HEXIM2: variants seen among roughly 807,000 people sequenced by gnomAD.
HEXIM2 encodes protein HEXIM2.
For synonymous variants in HEXIM2, 159 were observed against 162.7 expected (o/e 0.98, Z 0.17); for missense variants, 413 against 390.8 (o/e 1.06, Z -0.48).
chr17:45,168,554 C>A lies in HEXIM2; in HGVS notation c.67-461C>A, dbSNP rs76672411. Among the ~76,000 whole-genome samples, 335 of 150,912 alleles carry A rather than the reference C, an allele frequency of 2.2e-3. 10 individuals carry two copies. The East Asian group carries it at 0.057, about 26-fold the overall frequency. The stretch of plus-strand genomic sequence containing the variant: ...GGACAGCATGAAGCCAGGTGTGGGG[C>A]CTCTGTGGGACTTCACAGGTCACCT... On this transcript the variant is annotated intron_variant, in intron 3 of 3. Transcript: ENST00000589230.
At chr17:45,166,178 G>T (rs181797689) in intron 3 of HEXIM2, among the ~76,000 whole-genome samples, 3 of 152,018 alleles carry the variant, frequency 2.0e-5, no homozygotes, top group Non-Finnish European at 4.4e-5. Context: ...AGGCTGGAGC[G>T]CAGTGGCGCA....
intron 3 of HEXIM2, among the ~76,000 whole-genome samples, chr17:45,166,824 G>T (rs1323420088): frequency 6.6e-6 from 1 of 151,608 alleles, no homozygotes; most frequent in Non-Finnish European, 1.5e-5. Flanking sequence ...AGGAGTTTGA[G>T]ACCAGCCTGG....
In HEXIM2 at chr17:45,162,877, T is replaced by A; in HGVS notation, c.66+18T>A. 6.5e-7 allele frequency: 1 copy of A among 1,542,098 alleles called. No homozygotes were observed. The highest frequency in any genetic ancestry group is 9.0e-7 in the Non-Finnish European group (1 of 1,115,756). ...AGGCCAAGGTAAGTCCCTGCCCTCC[T>A]GCCCACCCAAGCACCACGAGCACGG... On this transcript the variant is annotated intron_variant, in intron 3 of 3. Transcript: ENST00000589230.
intron 3 of HEXIM2, among the ~76,000 whole-genome samples, chr17:45,168,307 C>A (rs1050234133): frequency 6.6e-6 from 1 of 150,788 alleles, no homozygotes; most frequent in African/African-American, 2.4e-5. Flanking sequence ...CATGGTGAAA[C>A]CCTGTCTCTA....
Position 45,169,570 on chromosome 17 carries a change from C to T in HEXIM2, c.622C>T (p.Arg208Cys), listed in dbSNP as rs377071715. Residue 208 changes from arginine to cysteine, a missense_variant, in exon 4 of 4, where the codon CGC becomes TGC. Transcript: ENST00000589230. ...ERFHTESLQG[R>C]SKQELVRDYL... ...CTTCCACACCGAGAGCCTGCAGGGC[C>T]GCAGCAAGCAGGAGCTGGTGCGAGA... 9 of 1,553,028 alleles carry T rather than the reference C, an allele frequency of 5.8e-6. No homozygotes were observed. The highest frequency in any genetic ancestry group is 7.8e-6 in the Non-Finnish European group (9 of 1,149,124).
upstream of HEXIM2, chr17:45,161,793 T>G: frequency 1.0e-6 from 1 of 981,782 alleles, no homozygotes; most frequent in Non-Finnish European, 1.2e-6. Context: ...GTCTCGGGTG[T>G]GGCTGTTGAC....
chr17:45,162,579 G>A lies in HEXIM2; in HGVS notation c.-101G>A. 7.1e-7 allele frequency: 1 copy of A among 1,404,024 alleles called. No individual in the cohort carries two copies. The highest frequency in any genetic ancestry group is 9.3e-7 in the Non-Finnish European group (1 of 1,079,922). 87.0% of individuals were successfully genotyped at this position (1,404,024 alleles called of 1,614,324 possible). ...AATCCCATTTGGCCCCTTGCTGGCTGGAGGTGTGAAAACCAGCGGTGGAGG... is the reference window on the plus strand; with the variant it reads ...AATCCCATTTGGCCCCTTGCTGGCTAGAGGTGTGAAAACCAGCGGTGGAGG... On this transcript the variant is annotated 5_prime_UTR_variant, in exon 2 of 4. Coordinates refer to ENST00000589230, the MANE Select transcript of HEXIM2 (RefSeq NM_001303441.2).
chr17:45,164,027 C>T (rs1423495065), intron 3 of HEXIM2, among the ~76,000 whole-genome samples: 4 of 150,686 alleles, frequency 2.7e-5, no homozygotes, highest in East Asian at 2.0e-4. Flanking sequence ...TAATGACAGG[C>T]GGCTGTAATC....
chr17:45,169,640 C>T lies in HEXIM2; in HGVS notation c.692C>T (p.Thr231Ile). The change falls in exon 4 of 4, where the codon ACT (threonine) becomes ATT (isoleucine). Residue 231 changes from threonine to isoleucine, a missense_variant. Coordinates refer to ENST00000589230, the MANE Select transcript of HEXIM2 (RefSeq NM_001303441.2). ...EKRLSQAEEETRRLQQLQACT... is the reference protein window; with the variant it reads ...EKRLSQAEEEIRRLQQLQACT... The stretch of plus-strand genomic sequence containing the variant: ...CGGCTGTCGCAGGCGGAGGAGGAGA[C>T]TAGGAGGCTGCAGCAGCTGCAGGCG... 1.3e-6 allele frequency: 2 copies of T among 1,533,280 alleles called. No homozygotes were observed. The highest frequency in any genetic ancestry group is 1.8e-6 in the Non-Finnish European group (2 of 1,137,802). 95.0% of individuals were successfully genotyped at this position (1,533,280 alleles called of 1,614,324 possible). A position where few individuals can be genotyped will look rare whatever the true frequency, so the allele number is the denominator to read the frequency against.
Position 45,169,594 on chromosome 17 carries a change from G to T in HEXIM2, c.646G>T (p.Asp216Tyr), listed in dbSNP as rs1380512296. 1.9e-6 allele frequency: 3 copies of T among 1,543,880 alleles called. No homozygotes were observed. In the South Asian group the frequency reaches 3.6e-5, roughly 18 times the overall value. ...CCGCAGCAAGCAGGAGCTGGTGCGAGACTACCTGGAGCTGGAGAAGCGGCT... is the reference window on the plus strand; with the variant it reads ...CCGCAGCAAGCAGGAGCTGGTGCGATACTACCTGGAGCTGGAGAAGCGGCT... ...QGRSKQELVR[D>Y]YLELEKRLSQ... The change falls in exon 4 of 4, where the codon GAC becomes TAC. Residue 216 changes from aspartate (D) to tyrosine (Y), a missense_variant. Asp to Tyr is a radical substitution (Grantham distance 160). Transcript: ENST00000589230.
chr17:45,167,423 C>A (rs2042887333), intron 3 of HEXIM2, among the ~76,000 whole-genome samples: 1 of 152,110 alleles, frequency 6.6e-6, no homozygotes, highest in South Asian at 2.1e-4. Flanking sequence ...GCACCTTATT[C>A]AAAAATTATT....
chr17:45,161,856 G>C, upstream of HEXIM2: 1 of 985,810 alleles, frequency 1.0e-6, no homozygotes, highest in Non-Finnish European at 1.2e-6. Flanking sequence ...ATCCCCAGCA[G>C]GCACCGCGCG....
intron 3 of HEXIM2, among the ~76,000 whole-genome samples, chr17:45,166,977 G>T (rs183869574): frequency 2.4e-5 from 3 of 126,196 alleles, no homozygotes; most frequent in Non-Finnish European, 4.9e-5. Context: ...GTGAGCTGAG[G>T]TCGGGCCACT....
Position 45,162,772 on chromosome 17 carries a change from G to T in HEXIM2, c.-22G>T. 6.2e-7 allele frequency: 1 copy of T among 1,613,832 alleles called. No homozygotes were observed. Among genetic ancestry groups the T allele is most frequent in the African/African-American group, 1.3e-5 (1 of 75,022 alleles). On this transcript the variant is annotated 5_prime_UTR_variant, in exon 3 of 4. Coordinates refer to ENST00000589230, the MANE Select transcript of HEXIM2 (RefSeq NM_001303441.2). Reference sequence around the variant, plus strand: ...CAGGTGTCACTAGTTCCAGGCGTCTGCTGAAAGATTTGGAACAGAAGATGA... The same window carrying T: ...CAGGTGTCACTAGTTCCAGGCGTCTTCTGAAAGATTTGGAACAGAAGATGA...
In HEXIM2 at chr17:45,169,637, A is replaced by C. The variant is rs369009904; in HGVS notation, c.689A>C (p.Glu230Ala). 7.2e-6 allele frequency: 11 copies of C among 1,531,590 alleles called. No individual in the cohort carries two copies. In the African/African-American group the frequency reaches 1.4e-4, roughly 19 times the overall value. 94.9% of individuals were successfully genotyped at this position (1,531,590 alleles called of 1,614,324 possible). A position where few individuals can be genotyped will look rare whatever the true frequency, so the allele number is the denominator to read the frequency against. ...AAGCGGCTGTCGCAGGCGGAGGAGGAGACTAGGAGGCTGCAGCAGCTGCAG... is the reference window on the plus strand; with the variant it reads ...AAGCGGCTGTCGCAGGCGGAGGAGGCGACTAGGAGGCTGCAGCAGCTGCAG... The part of the protein sequence containing the change: ...LEKRLSQAEE[E>A]TRRLQQLQAC... The change falls in exon 4 of 4, where the codon GAG (glutamate) becomes GCG (alanine). Residue 230 changes from glutamate (E) to alanine (A), a missense_variant. Coordinates refer to ENST00000589230, the MANE Select transcript of HEXIM2 (RefSeq NM_001303441.2).
At position 45,162,744 on chromosome 17, in the gene HEXIM2, A is replaced by T; in HGVS notation, c.-44-6A>T. ...GGATTTAGGTTTCTGTTGTTGTTCA[A>T]AGCAGGTGTCACTAGTTCCAGGCGT... On this transcript the variant is annotated splice_polypyrimidine_tract_variant and splice_region_variant and intron_variant, in intron 2 of 3. Transcript: ENST00000589230. 1 of 1,613,228 alleles carries T rather than the reference A, an allele frequency of 6.2e-7. No individual in the cohort carries two copies. Among genetic ancestry groups the T allele is most frequent in the South Asian group, 1.1e-5 (1 of 91,044 alleles).
chr17:45,160,919 G>C, upstream of HEXIM2: 1 of 1,289,776 alleles, frequency 7.8e-7, no homozygotes, highest in Non-Finnish European at 1.0e-6. Flanking sequence ...CCCGGGCGGC[G>C]AGATGGCGCT....
rs1300485720 is a variant in HEXIM2, at chr17:45,162,545, C to T, written c.-135C>T. 2.4e-5 allele frequency: 33 copies of T among 1,347,836 alleles called. No homozygotes were observed. The highest frequency in any genetic ancestry group is 6.2e-5 in the Admixed American group (2 of 32,292). The allele number at this position is 1,347,836 out of a possible 1,614,324, so 83.5% of individuals were successfully genotyped here. A position where few individuals can be genotyped will look rare whatever the true frequency, so the allele number is the denominator to read the frequency against. On this transcript the variant is annotated 5_prime_UTR_variant, in exon 2 of 4. The change creates a new upstream start codon in the 5' untranslated region. Coordinates refer to ENST00000589230, the MANE Select transcript of HEXIM2 (RefSeq NM_001303441.2). ...GACCCGAGGAGCAGGACAGAGAAGA[C>T]GGCCCCTGAATCCCATTTGGCCCCT...
At chr17:45,161,429 C>G (rs779022106), upstream of HEXIM2, 2 of 174,688 alleles carry the variant, frequency 1.1e-5, no homozygotes, top group Non-Finnish European at 2.5e-5. Context: ...CCTCTCCCCG[C>G]GCCCGGACCA....
Sources: allele counts gnomAD v4.1 joint callset (sites outside exome capture counted in the v4.1 genomes callset), GRCh38; gene constraint gnomAD v4.1.1; transcripts MANE v1.5; gene names NCBI Gene and HGNC (gene_info 2026-07-23, HGNC 2026-07-21).